ARIH1: variants seen among roughly 807,000 people sequenced by gnomAD.
ARIH1 encodes E3 ubiquitin-protein ligase ARIH1.
In ARIH1, 8 loss-of-function variants were observed where a neutral mutation model predicts 85.0. The ratio of observed to expected loss-of-function variants is 0.09; its 90% confidence interval spans 0.06 to 0.17. The LOEUF (loss-of-function observed/expected upper bound fraction) is 0.17. Ranked by LOEUF, ARIH1 falls within the 10% of genes least tolerant of loss-of-function variation. ARIH1 has a pLI of 1.00. For synonymous variants in ARIH1, 238 were observed against 253.6 expected (o/e 0.94, Z 0.59); for missense variants, 311 against 718.1 (o/e 0.43, Z 6.48).
chr15:72,543,049 CACCCTCCTG>C (rs1187057995), intron 2 of ARIH1, among the ~76,000 whole-genome samples: 1 of 151,318 alleles, frequency 6.6e-6, no homozygotes, highest in East Asian at 2.0e-4. Flanking sequence ...TCTCATGCCT[CACCCTCCTG>C]AGTAGCTGGG....
chr15:72,566,471 C>A (rs2064221596), intron 7 of ARIH1, 92 bp from the exon 8 acceptor site: 2 of 1,019,166 alleles, frequency 2.0e-6, no homozygotes, highest in East Asian at 2.4e-5. Flanking sequence ...AGTGACAATA[C>A]TGTGGAACTA....
At chr15:72,544,703 T>TA (rs759420777) in intron 2 of ARIH1, 117 bp from the exon 3 acceptor site, 7 of 924,328 alleles carry the variant, frequency 7.6e-6, no homozygotes, top group Non-Finnish European at 1.1e-5. Flanking sequence ...AAAAGGTTGT[T>TA]ATCTTGTTTT....
intron 3 of ARIH1, among the ~76,000 whole-genome samples, chr15:72,546,515 G>A (rs1016968354): frequency 6.6e-6 from 1 of 151,670 alleles, no homozygotes; most frequent in African/African-American, 2.4e-5. Flanking sequence ...CTTTTGAGAC[G>A]GCCTTGCTCT....
In ARIH1 at chr15:72,598,855, C is replaced by T. The variant is rs117791616; in HGVS notation, c.*15563C>T. ...GCCTCAGCCTCTTGAGTAGCTGGGA[C>T]CACAGTCATGTGCCACCATGCCTGG... On this transcript the variant is annotated 3_prime_UTR_variant, in exon 14 of 14. Coordinates refer to ENST00000379887, the MANE Select transcript of ARIH1 (RefSeq NM_005744.5). 0.025 allele frequency: 3,766 copies of T among 151,050 alleles called. 107 individuals are homozygous for T. The highest frequency in any genetic ancestry group is 0.034 in the Non-Finnish European group (2,314 of 67,878). 9.4% of individuals were successfully genotyped at this position (151,050 alleles called of 1,614,324 possible).
In ARIH1 at chr15:72,594,176, T is replaced by TG. The variant is rs1456121888; in HGVS notation, c.*10884_*10885insG. On this transcript the variant is annotated 3_prime_UTR_variant, in exon 14 of 14. Transcript: ENST00000379887. ...TTTCTTTTCTTTTTCTTTTTTTCTT[T>TG]TTTTTTTTTTGAGACGGAGTTTTGC... 4.0e-5 allele frequency: 6 copies of TG among 150,860 alleles called. No homozygotes were observed. The highest frequency in any genetic ancestry group is 1.5e-4 in the African/African-American group (6 of 41,258). The allele number at this position is 150,860 out of a possible 1,614,324, so 9.3% of individuals were successfully genotyped here.
chr15:72,479,692 C>T (rs1172347359), intron 1 of ARIH1, among the ~76,000 whole-genome samples: 1 of 151,978 alleles, frequency 6.6e-6, no homozygotes, highest in Non-Finnish European at 1.5e-5. Flanking sequence ...AGGCGTGAGC[C>T]ACCGTGCCCA....
intron 3 of ARIH1, among the ~76,000 whole-genome samples, chr15:72,550,800 T>C (rs2064149990): frequency 6.6e-6 from 1 of 152,054 alleles, no homozygotes; most frequent in African/African-American, 2.4e-5. Flanking sequence ...GCTTCCCGAG[T>C]AGCTGGGATT....
At position 72,524,040 on chromosome 15, in the gene ARIH1, G is replaced by A. The variant is rs1400311054; in HGVS notation, c.443+5906G>A. Among the ~76,000 whole-genome samples, 11 of 147,336 alleles carry A rather than the reference G, an allele frequency of 7.5e-5. No homozygotes were observed. In the South Asian group the frequency reaches 2.4e-3, roughly 32 times the overall value. On this transcript the variant is annotated intron_variant, in intron 2 of 13. Transcript: ENST00000379887. The stretch of plus-strand genomic sequence containing the variant: ...CGGCTCACTGTAAGCTCCGCCTCCC[G>A]GGCTCACGCCATTCTCCTGCCTCAG...
rs2063784181 is a variant in ARIH1, at chr15:72,474,414, G to T, written c.-226G>T. On this transcript the variant is annotated 5_prime_UTR_variant, in exon 1 of 14. Transcript: ENST00000379887. ...AGCGGAGCCGCGTCTGACTGAGGCGGGCAGCAAGCGGCCCCCTCGCTCCCT... is the reference window on the plus strand; with the variant it reads ...AGCGGAGCCGCGTCTGACTGAGGCGTGCAGCAAGCGGCCCCCTCGCTCCCT... 1.7e-6 allele frequency: 1 copy of T among 573,662 alleles called. No homozygotes were observed. The highest frequency in any genetic ancestry group is 3.0e-6 in the Non-Finnish European group (1 of 332,654). 35.5% of individuals were successfully genotyped at this position (573,662 alleles called of 1,614,324 possible).
At chr15:72,563,285 T>A in intron 6 of ARIH1, 109 bp from the exon 7 acceptor site, 1 of 851,846 alleles carries the variant, frequency 1.2e-6, no homozygotes, top group South Asian at 1.5e-5. Flanking sequence ...TCTGGAGTGC[T>A]TGACCTCAAA....
chr15:72,556,590 G>A (rs968232132), intron 5 of ARIH1, among the ~76,000 whole-genome samples: 19 of 152,036 alleles, frequency 1.2e-4, no homozygotes, highest in African/African-American at 4.1e-4. Flanking sequence ...TAACTTTTAG[G>A]TTCAGGTATA....
At chr15:72,572,917 A>G (rs1436063557) in intron 11 of ARIH1, among the ~76,000 whole-genome samples, 1 of 152,194 alleles carries the variant, frequency 6.6e-6, no homozygotes, top group Non-Finnish European at 1.5e-5. Context: ...GAAATGACCC[A>G]CTGTTATAGA....
At chr15:72,562,606 G>C (rs1215880452) in intron 6 of ARIH1, among the ~76,000 whole-genome samples, 1 of 142,260 alleles carries the variant, frequency 7.0e-6, no homozygotes, top group East Asian at 2.1e-4. Context: ...TTTTTTGTTT[G>C]TTTTTTTTTT....
At chr15:72,492,279 G>T (rs1470630118) in intron 1 of ARIH1, among the ~76,000 whole-genome samples, 1 of 152,034 alleles carries the variant, frequency 6.6e-6, no homozygotes, top group East Asian at 1.9e-4. Flanking sequence ...TTAGACTAGT[G>T]GTCCAAAAAG....
chr15:72,546,688 T>G (rs2064130380), intron 3 of ARIH1, among the ~76,000 whole-genome samples: 1 of 151,766 alleles, frequency 6.6e-6, no homozygotes, highest in Non-Finnish European at 1.5e-5. Flanking sequence ...GTTTGTTTTG[T>G]TTTGTTTGTT....
rs536947871 is a variant in ARIH1 at position 72,524,190 on chromosome 15, G to A, written c.443+6056G>A. Among the ~76,000 whole-genome samples, 123 of 150,718 alleles carry A rather than the reference G, an allele frequency of 8.2e-4. 2 individuals are homozygous for A. The South Asian group carries it at 0.023, about 28-fold the overall frequency. On this transcript the variant is annotated intron_variant, in intron 2 of 13. Transcript: ENST00000379887. ...TCTCGATCTCCTGACCTCGTGATCC[G>A]CCCACCTCGGCCTCCCAAAGTGCTG...
chr15:72,533,273 G>C (rs945341869), intron 2 of ARIH1, among the ~76,000 whole-genome samples: 1 of 152,130 alleles, frequency 6.6e-6, no homozygotes, highest in African/African-American at 2.4e-5. Flanking sequence ...GGGACTACAG[G>C]ACCATGCCCC....
intron 1 of ARIH1, among the ~76,000 whole-genome samples, chr15:72,485,768 T>C (rs2063835160): frequency 6.6e-6 from 1 of 152,230 alleles, no homozygotes; most frequent in African/African-American, 2.4e-5. Context: ...GCTAAATTAT[T>C]GACTGTATAT....
intron 9 of ARIH1, 90 bp from the exon 10 acceptor site, chr15:72,570,087 A>AAAAAAAT: frequency 6.8e-7 from 1 of 1,478,448 alleles, no homozygotes; most frequent in South Asian, 1.3e-5. Flanking sequence ...AATGTTTAAA[A>AAAAAAAT]ACAAACCAAA....
Sources: gnomAD v4.1 joint callset for allele counts (sites outside exome capture counted in the v4.1 genomes callset) on GRCh38, gnomAD v4.1.1 for gene constraint, MANE v1.5 for transcripts, NCBI Gene and HGNC (gene_info 2026-07-23, HGNC 2026-07-21) for gene names.